The following WASF2 variants were observed in gnomAD, a reference collection of about 807,000 sequenced individuals.
WASF2 encodes the protein WASP family member 2.
Under a neutral mutation model 45.0 loss-of-function variants are expected in WASF2, and 14 were observed. That is an observed-to-expected ratio of 0.31 (90% confidence interval 0.21 to 0.49). WASF2 has a LOEUF of 0.49. Among genes scored for constraint, WASF2 ranks in the 20% least tolerant of loss-of-function variants. The pLI is 0.99. For missense variants in WASF2, 439 were observed against 636.1 expected (o/e 0.69, Z 3.33); for synonymous variants, 200 against 236.3 (o/e 0.85, Z 1.41).
At chr1:27,456,729 TTC>T in intron 1 of WASF2, among the ~76,000 whole-genome samples, 1 of 151,528 alleles carries the variant, frequency 6.6e-6, no homozygotes, top group South Asian at 2.1e-4. Flanking sequence ...GTTAAAGGTT[TTC>T]TCTTTTTTTT....
intron 1 of WASF2, among the ~76,000 whole-genome samples, chr1:27,454,354 CTAAT>C (rs1025616956): frequency 1.3e-5 from 2 of 149,908 alleles, no homozygotes; most frequent in Non-Finnish European, 3.0e-5. Flanking sequence ...CCATGCCCAA[CTAAT>C]TTTTTTTTTT....
intron 4 of WASF2, 23 bp downstream of exon 4, chr1:27,418,246 G>C (rs565176553): frequency 6.2e-7 from 1 of 1,603,510 alleles, no homozygotes; most frequent in Non-Finnish European, 8.5e-7. Context: ...GGTTGAAAAA[G>C]GGAGGAACTA....
intron 1 of WASF2, among the ~76,000 whole-genome samples, chr1:27,470,384 T>C (rs1049231557): frequency 1.3e-5 from 2 of 151,898 alleles, no homozygotes; most frequent in Non-Finnish European, 2.9e-5. Flanking sequence ...TAAGGATAAA[T>C]AATCAAGGCA....
chr1:27,440,144 T>C (rs1033333010), intron 1 of WASF2, among the ~76,000 whole-genome samples: 3 of 152,342 alleles, frequency 2.0e-5, no homozygotes, highest in East Asian at 3.9e-4. Flanking sequence ...CTAGTATTTA[T>C]GGAAAAGTCA....
chr1:27,488,427 G>A (rs939728434), intron 1 of WASF2, among the ~76,000 whole-genome samples: 7 of 152,148 alleles, frequency 4.6e-5, no homozygotes, highest in African/African-American at 1.7e-4. Flanking sequence ...GAACAAATGG[G>A]AAATTTCTCC....
In WASF2 at chr1:27,405,332, C is replaced by T. The variant is rs1231197323; in HGVS notation, c.*2857G>A. On this transcript the variant is annotated 3_prime_UTR_variant, in exon 9 of 9. Transcript: ENST00000618852. ...ACCCATCTCACAACCAAGGCAAAGC[C>T]ACAAGTTGCTTCTGACACTATTGGA... 2 of 152,250 alleles carry T rather than the reference C, an allele frequency of 1.3e-5. No individual in the cohort carries two copies. The highest frequency in any genetic ancestry group is 4.8e-5 in the African/African-American group (2 of 41,412). 9.4% of individuals were successfully genotyped at this position (152,250 alleles called of 1,614,324 possible).
chr1:27,487,313 A>T (rs2017943963), intron 1 of WASF2, among the ~76,000 whole-genome samples: 1 of 143,496 alleles, frequency 7.0e-6, no homozygotes. Context: ...GTTAGCCAGG[A>T]TGGTCTCGAT....
intron 1 of WASF2, among the ~76,000 whole-genome samples, chr1:27,470,943 C>T (rs890316868): frequency 6.6e-6 from 1 of 152,106 alleles, no homozygotes; most frequent in African/African-American, 2.4e-5. Context: ...GCTGGAGGTG[C>T]AAGTAGGATA....
chr1:27,473,753 T>C (rs1171034244), intron 1 of WASF2, among the ~76,000 whole-genome samples: 1 of 152,134 alleles, frequency 6.6e-6, no homozygotes, highest in Non-Finnish European at 1.5e-5. Flanking sequence ...CTGAAACAAA[T>C]GTGAGCTACA....
intron 1 of WASF2, among the ~76,000 whole-genome samples, chr1:27,434,616 T>C (rs561270926): frequency 1.3e-5 from 2 of 152,232 alleles, no homozygotes; most frequent in African/African-American, 4.8e-5. Context: ...GCCCTGAGGT[T>C]ATTTATACCC....
At chr1:27,408,493 A>T (rs1272468824) in intron 8 of WASF2, 147 bp from the exon 9 acceptor site, 2 of 1,172,108 alleles carry the variant, frequency 1.7e-6, no homozygotes, top group East Asian at 5.2e-5. Context: ...AAGCAGAAGA[A>T]GATGAGTTTA....
chr1:27,487,464 TAA>T (rs200836473), intron 1 of WASF2, among the ~76,000 whole-genome samples: 1 of 119,414 alleles, frequency 8.4e-6, no homozygotes, highest in Non-Finnish European at 1.6e-5. Context: ...TATATTTATA[TAA>T]ATATATTTTA....
chr1:27,433,909 G>C (rs2148114715), intron 1 of WASF2, among the ~76,000 whole-genome samples: 1 of 152,300 alleles, frequency 6.6e-6, no homozygotes, highest in South Asian at 2.1e-4. Context: ...GGAAATTCTG[G>C]ATACATGAAA....
chr1:27,412,736 G>A lies in WASF2; in HGVS notation c.669-9C>T, dbSNP rs2016781400. Reference sequence around the variant, plus strand: ...CCAAAGTGGGTGGATACCTGACAATGAACCGAATGCCAAAAACTGTCATTT... The same window carrying A: ...CCAAAGTGGGTGGATACCTGACAATAAACCGAATGCCAAAAACTGTCATTT... On this transcript the variant is annotated splice_polypyrimidine_tract_variant and intron_variant, in intron 6 of 8. Transcript: ENST00000618852. 3 of 1,613,970 alleles carry A rather than the reference G, an allele frequency of 1.9e-6. No homozygotes were observed. Among genetic ancestry groups the A allele is most frequent in the South Asian group, 1.1e-5 (1 of 91,084 alleles).
Position 27,489,966 on chromosome 1 carries a change from C to G in WASF2, c.-44+20G>C, listed in dbSNP as rs1267558837. 1 of 152,314 alleles carries G rather than the reference C, an allele frequency of 6.6e-6. No homozygotes were observed. Among genetic ancestry groups the G allele is most frequent in the African/African-American group, 2.4e-5 (1 of 41,470 alleles). 9.4% of individuals were successfully genotyped at this position (152,314 alleles called of 1,614,324 possible). A position where few individuals can be genotyped will look rare whatever the true frequency, so the allele number is the denominator to read the frequency against. ...CCCGCGCCTCCCAGCGGGGTCTACC[C>G]AAGGGGACTTGTTGCTCACCTGGCC... On this transcript the variant is annotated intron_variant, in intron 1 of 8. Transcript: ENST00000618852.
chr1:27,404,594 AAC>A lies in WASF2; in HGVS notation c.*3593_*3594del, dbSNP rs2016637467. The A allele has an allele frequency of 6.6e-6, 1 of 152,168 alleles. No homozygotes were observed. Among genetic ancestry groups the A allele is most frequent in the African/African-American group, 2.4e-5 (1 of 41,424 alleles). 9.4% of individuals were successfully genotyped at this position (152,168 alleles called of 1,614,324 possible). On this transcript the variant is annotated 3_prime_UTR_variant, in exon 9 of 9. Coordinates refer to ENST00000618852, the MANE Select transcript of WASF2 (RefSeq NM_006990.5). ...CCTTCCCTAAAATCTTGATGTGGCA[AAC>A]ACACCCAAGAACCCACAGGAATATG...
At chr1:27,478,158 C>A (rs1056787879) in intron 1 of WASF2, among the ~76,000 whole-genome samples, 2 of 148,926 alleles carry the variant, frequency 1.3e-5, no homozygotes, top group African/African-American at 2.5e-5. Context: ...TGCAGCGAGC[C>A]GAGATCCTGC....
chr1:27,443,700 A>G (rs907951609), intron 1 of WASF2, among the ~76,000 whole-genome samples: 1 of 152,328 alleles, frequency 6.6e-6, no homozygotes, highest in Non-Finnish European at 1.5e-5. Context: ...GCCACTAGCT[A>G]TATGACCTTA....
In WASF2 at chr1:27,410,885, C is replaced by T. The variant is rs1485995069; in HGVS notation, c.825-679G>A. Among the ~76,000 whole-genome samples the T allele has an allele frequency of 2.0e-5, 3 of 152,214 alleles. No individual in the cohort carries two copies. Among genetic ancestry groups the T allele is most frequent in the African/African-American group, 7.2e-5 (3 of 41,456 alleles). ...GCCTGAAAGAGGATTAAAGCTACACCTCTCCTGGGATCAGATTTGCTCGGC... is the reference window on the plus strand; with the variant it reads ...GCCTGAAAGAGGATTAAAGCTACACTTCTCCTGGGATCAGATTTGCTCGGC... On this transcript the variant is annotated intron_variant, in intron 7 of 8. Transcript: ENST00000618852. This position sits in a 1 kb window ranked among gnomAD's most constrained non-coding sequence, Gnocchi z 4.2.
Sources: gnomAD v4.1 joint callset for allele counts (sites outside exome capture counted in the v4.1 genomes callset) on GRCh38, gnomAD v4.1.1 for gene constraint, Gnocchi (gnomAD v3.1) non-coding constraint, MANE v1.5 for transcripts, NCBI Gene and HGNC (gene_info 2026-07-23, HGNC 2026-07-21) for gene names.